The following ARPP21 variants were observed in gnomAD, a reference collection of about 807,000 sequenced individuals.
ARPP21 encodes the protein cAMP-regulated phosphoprotein 21.
Under a neutral mutation model 113.2 loss-of-function variants are expected in ARPP21, and 69 were observed. The observed-to-expected ratio is 0.61, with a 90% CI of 0.50 to 0.74. The LOEUF is 0.74. ARPP21 is among the 30% of genes least tolerant of loss of function. The pLI is 0.00. For missense variants in ARPP21, 1,070 were observed against 1,037.4 expected, an observed-to-expected ratio of 1.03 and a Z score of -0.43; for synonymous variants, 368 against 375.5, an observed-to-expected ratio of 0.98 and a Z score of 0.23.
chr3:35,728,253 C>T (rs1221005328), intron 14 of ARPP21, among the ~76,000 whole-genome samples: 3 of 118,518 alleles, frequency 2.5e-5, no homozygotes, highest in African/African-American at 3.3e-5. Context: ...GAGTCTGACT[C>T]TGTCGCCCAG....
chr3:35,789,805 A>G (rs986673057), intron 19 of ARPP21, among the ~76,000 whole-genome samples: 4 of 152,200 alleles, frequency 2.6e-5, no homozygotes, highest in Admixed American at 2.0e-4. Flanking sequence ...ATTTAATATT[A>G]AGGATTGCTT....
chr3:35,658,653 A>C (rs1706171073), intron 1 of ARPP21, among the ~76,000 whole-genome samples: 1 of 152,136 alleles, frequency 6.6e-6, no homozygotes, highest in African/African-American at 2.4e-5. Flanking sequence ...TTTAAATATG[A>C]GCTTAATGCC....
chr3:35,709,131 C>A, intron 11 of ARPP21, 61 bp downstream of exon 11: 1 of 1,164,492 alleles, frequency 8.6e-7, no homozygotes, highest in Non-Finnish European at 1.3e-6. Context: ...AAGGCTTCCT[C>A]ATTCCCCAGA....
chr3:35,699,629 C>A (rs2085498395), intron 9 of ARPP21, among the ~76,000 whole-genome samples: 1 of 151,538 alleles, frequency 6.6e-6, no homozygotes, highest in South Asian at 2.1e-4. Context: ...CTTCACTTCC[C>A]ACCTTCTGGG....
At chr3:35,718,659 T>C (rs1416973697) in intron 13 of ARPP21, among the ~76,000 whole-genome samples, 5 of 152,066 alleles carry the variant, frequency 3.3e-5, no homozygotes, top group Non-Finnish European at 5.9e-5. Context: ...ATTCACACAA[T>C]TGTAAAAGCA....
intron 1 of ARPP21, among the ~76,000 whole-genome samples, chr3:35,647,197 A>C (rs1050605312): frequency 1.3e-5 from 2 of 152,162 alleles, no homozygotes; most frequent in Non-Finnish European, 2.9e-5. Flanking sequence ...TTTTGTCATC[A>C]TCGAGAGGTA....
chr3:35,744,420 TC>T (rs1046195455), intron 19 of ARPP21: 2 of 499,092 alleles, frequency 4.0e-6, no homozygotes, highest in African/African-American at 4.0e-5. Context: ...GAACTCTGAC[TC>T]CATGGTTCAC....
At chr3:35,735,266 C>A (rs551688057) in intron 15 of ARPP21, among the ~76,000 whole-genome samples, 45 of 152,234 alleles carry the variant, frequency 3.0e-4, no homozygotes, top group African/African-American at 1.1e-3. Flanking sequence ...TGTGCACCAC[C>A]ATGTCCAGCT....
intron 1 of ARPP21, among the ~76,000 whole-genome samples, chr3:35,679,248 A>G (rs2078253589): frequency 6.6e-6 from 1 of 151,958 alleles, no homozygotes; most frequent in East Asian, 1.9e-4. Flanking sequence ...CAGCCATGCC[A>G]TTATAAAAGT....
intron 19 of ARPP21, among the ~76,000 whole-genome samples, chr3:35,790,238 T>G (rs1458626878): frequency 6.6e-6 from 1 of 152,232 alleles, no homozygotes; most frequent in Non-Finnish European, 1.5e-5. Context: ...CCTTATTATA[T>G]TCACAATTAT....
At chr3:35,699,509 G>A (rs1012793940) in intron 9 of ARPP21, among the ~76,000 whole-genome samples, 4 of 151,626 alleles carry the variant, frequency 2.6e-5, no homozygotes, top group African/African-American at 9.7e-5. Flanking sequence ...TCTATCAAGA[G>A]CAGTGCACAT....
At chr3:35,646,755 A>T (rs1700392475) in intron 1 of ARPP21, among the ~76,000 whole-genome samples, 1 of 151,908 alleles carries the variant, frequency 6.6e-6, no homozygotes, top group Admixed American at 6.6e-5. Context: ...GGAATGATCA[A>T]GCTAACACTC....
Position 35,731,208 on chromosome 3 carries a change from G to A in ARPP21, c.1459+1672G>A, listed in dbSNP as rs1462044632. On this transcript the variant is annotated intron_variant, in intron 15 of 20. Transcript: ENST00000684406. ...CAGAGTATTTTTAGGGTACAATGCAGGAATATTATTTGTAATGACAGCATA... is the reference window on the plus strand; with the variant it reads ...CAGAGTATTTTTAGGGTACAATGCAAGAATATTATTTGTAATGACAGCATA... 2.0e-5 allele frequency among the ~76,000 whole-genome samples: 3 copies of A among 152,086 alleles called. No homozygotes were observed. The East Asian group carries it at 5.8e-4, about 29-fold the overall frequency.
intron 9 of ARPP21, among the ~76,000 whole-genome samples, chr3:35,700,838 C>CT (rs1042225987): frequency 2.6e-5 from 4 of 151,460 alleles, no homozygotes; most frequent in African/African-American, 9.7e-5. Flanking sequence ...TTTTATTTTA[C>CT]TTTTTTTATT....
chr3:35,658,431 G>T (rs571747073), intron 1 of ARPP21, among the ~76,000 whole-genome samples: 1 of 152,066 alleles, frequency 6.6e-6, no homozygotes, highest in African/African-American at 2.4e-5. Flanking sequence ...CCTATTATCT[G>T]CTTGCTATGA....
chr3:35,656,757 A>C (rs1705140849), intron 1 of ARPP21, among the ~76,000 whole-genome samples: 1 of 152,048 alleles, frequency 6.6e-6, no homozygotes, highest in South Asian at 2.1e-4. Context: ...AAATTTATAC[A>C]AGTGTTAAAA....
intron 3 of ARPP21, 152 bp from the exon 4 acceptor site, chr3:35,682,696 G>T: frequency 1.7e-6 from 1 of 591,272 alleles, no homozygotes; most frequent in Non-Finnish European, 2.7e-6. Flanking sequence ...CCTAATGGTT[G>T]TGATGTTCTG....
chr3:35,690,304 G>A (rs1223760811), intron 8 of ARPP21, among the ~76,000 whole-genome samples, 164 bp downstream of exon 8: 1 of 151,520 alleles, frequency 6.6e-6, no homozygotes, highest in Non-Finnish European at 1.5e-5. Flanking sequence ...ATACGCTGAT[G>A]AGAATTGTTG....
At chr3:35,685,710 A>C in intron 5 of ARPP21, 2 of 983,900 alleles carry the variant, frequency 2.0e-6, no homozygotes, top group Non-Finnish European at 2.4e-6. Flanking sequence ...AAGTTAAAAG[A>C]ATTTTGCTTT....
Sources: gnomAD v4.1 joint callset for allele counts (sites outside exome capture counted in the v4.1 genomes callset) on GRCh38, gnomAD v4.1.1 for gene constraint, MANE v1.5 for transcripts, NCBI Gene and HGNC (gene_info 2026-07-23, HGNC 2026-07-21) for gene names.